The following SCLT1 variants were observed in gnomAD, a reference collection of about 807,000 sequenced individuals.
The protein encoded by SCLT1 is sodium channel-associated protein 1.
Under a neutral mutation model 112.8 loss-of-function variants are expected in SCLT1, and 78 were observed. The ratio of observed to expected loss-of-function variants is 0.69; its 90% CI spans 0.58 to 0.83. SCLT1 has a LOEUF of 0.83. Among genes scored for constraint, SCLT1 ranks in the 40% least tolerant of loss-of-function variants. SCLT1 has a pLI of 0.00. For synonymous variants in SCLT1, 257 were observed against 254.7 expected (o/e 1.01, Z -0.09); for missense variants, 747 against 770.4 (o/e 0.97, Z 0.36).
chr4:128,954,689 T>C (rs1739075791), intron 13 of SCLT1, among the ~76,000 whole-genome samples: 1 of 152,242 alleles, frequency 6.6e-6, no homozygotes, highest in Admixed American at 6.5e-5. Context: ...ATTCTGTTTA[T>C]GAAATCAGTA....
rs201716164 is a variant in SCLT1, at chr4:128,917,188, TCTC to T, written c.1829+19464_1829+19466del. Among the ~76,000 whole-genome samples the T allele has an allele frequency of 5.8e-3, 884 of 152,174 alleles. 7 individuals are homozygous for T. Among genetic ancestry groups the T allele is most frequent in the African/African-American group, 0.02 (847 of 41,520 alleles). ...CTACCTCGTGACTGACCCCAGTGCT[TCTC>T]GAGTGGTCCTGTGTGGTGTGCTGTG... On this transcript the variant is annotated intron_variant, in intron 18 of 20. Transcript: ENST00000281142.
chr4:128,965,023 T>C (rs1381751958), intron 11 of SCLT1, among the ~76,000 whole-genome samples: 1 of 152,210 alleles, frequency 6.6e-6, no homozygotes, highest in African/African-American at 2.4e-5. Flanking sequence ...ACAAATTATC[T>C]TTGAATATAT....
intron 5 of SCLT1, among the ~76,000 whole-genome samples, chr4:129,008,521 A>C (rs917485790): frequency 3.9e-5 from 6 of 152,150 alleles, no homozygotes; most frequent in Admixed American, 1.3e-4. Flanking sequence ...ATCTTTTGCT[A>C]CTTTTGAAAT....
chr4:128,920,961 C>G (rs1735836696), intron 18 of SCLT1, among the ~76,000 whole-genome samples: 2 of 152,296 alleles, frequency 1.3e-5, no homozygotes, highest in African/African-American at 4.8e-5. Flanking sequence ...TCAGCAGTTT[C>G]AGGATACAAA....
intron 4 of SCLT1, among the ~76,000 whole-genome samples, chr4:128,875,880 C>T (rs532199413): frequency 3.8e-4 from 58 of 152,078 alleles, no homozygotes; most frequent in Non-Finnish European, 5.9e-4. Flanking sequence ...TCATTAAATG[C>T]TTTCTTTTGA....
chr4:128,952,868 T>G (rs1433257883), intron 13 of SCLT1, 28 bp from the exon 14 acceptor site: 1 of 1,105,614 alleles, frequency 9.0e-7, no homozygotes, highest in South Asian at 1.3e-5. Flanking sequence ...TACTCATTAT[T>G]TGGTTCTAGA....
rs747165738 is a variant in SCLT1 at position 128,997,915 on chromosome 4, G to A, written c.574C>T (p.Leu192=). The A allele has an allele frequency of 9.3e-6, 14 of 1,512,904 alleles. No homozygotes were observed. In the South Asian group the frequency reaches 1.8e-4, roughly 19 times the overall value. 93.7% of individuals were successfully genotyped at this position (1,512,904 alleles called of 1,614,324 possible). The change falls in exon 8 of 21, where the codon CTG becomes TTG. Residue 192 remains leucine (L), a synonymous_variant. Coordinates refer to ENST00000281142, the MANE Select transcript of SCLT1 (RefSeq NM_144643.4). ...QKDQLFDFQQ[L]TKQLHVTNEN... ...TTAGTAACATGAAGTTGTTTGGTCAGTTGTTGAAAATCAAATAGCTGATCC... is the reference window on the plus strand; with the variant it reads ...TTAGTAACATGAAGTTGTTTGGTCAATTGTTGAAAATCAAATAGCTGATCC...
In SCLT1 at chr4:129,043,451, C is replaced by G; in HGVS notation, c.178G>C (p.Val60Leu). ...CCTAGGTGTTTATCATACTCAGTAA[C>G]AAGAGGAGCTAAAAAGCTAAAAAAA... is the stretch of plus-strand genomic sequence containing the variant. Reference protein sequence around the residue: ...VFDQSFLAPLVTEYDKHLGEL... With the variant: ...VFDQSFLAPLLTEYDKHLGEL... The change falls in exon 4 of 21, where the codon GTT becomes CTT. Residue 60 changes from valine to leucine, a missense_variant. By Grantham distance (32) the Val-to-Leu change is conservative. Coordinates refer to ENST00000281142, the MANE Select transcript of SCLT1 (RefSeq NM_144643.4). 6.6e-7 allele frequency: 1 copy of G among 1,525,328 alleles called. No homozygotes were observed. The highest frequency in any genetic ancestry group is 9.0e-7 in the Non-Finnish European group (1 of 1,111,346). The allele number at this position is 1,525,328 out of a possible 1,614,324, so 94.5% of individuals were successfully genotyped here.
chr4:128,989,208 A>T (rs757216276), intron 9 of SCLT1, among the ~76,000 whole-genome samples: 1 of 151,930 alleles, frequency 6.6e-6, no homozygotes, highest in Non-Finnish European at 1.5e-5. Context: ...AACAGTCTCA[A>T]GGACAGAACA....
At chr4:128,944,394 C>A (rs532740162) in intron 16 of SCLT1, among the ~76,000 whole-genome samples, 2 of 151,876 alleles carry the variant, frequency 1.3e-5, no homozygotes, top group African/African-American at 2.4e-5. Flanking sequence ...ACAACAACAA[C>A]AAAAAAAGAA....
chr4:129,003,714 T>C, intron 6 of SCLT1, 27 bp downstream of exon 6: 2 of 1,553,238 alleles, frequency 1.3e-6, no homozygotes, highest in Non-Finnish European at 1.7e-6. Flanking sequence ...ATTCAGAATA[T>C]AATTTTTAAA....
chr4:129,020,507 C>T (rs192475592), intron 5 of SCLT1, among the ~76,000 whole-genome samples: 15 of 152,282 alleles, frequency 9.9e-5, no homozygotes, highest in Admixed American at 3.9e-4. Flanking sequence ...ATTAGCTAAA[C>T]CAACAAGACT....
chr4:128,959,090 T>C (rs755511947), intron 12 of SCLT1, among the ~76,000 whole-genome samples: 1 of 152,186 alleles, frequency 6.6e-6, no homozygotes, highest in African/African-American at 2.4e-5. Context: ...GGAAGCAGTA[T>C]ATGACAAGGA....
At chr4:129,081,196 T>A (rs1751905072) in intron 2 of SCLT1, among the ~76,000 whole-genome samples, 1 of 152,212 alleles carries the variant, frequency 6.6e-6, no homozygotes, top group African/African-American at 2.4e-5. Flanking sequence ...ACTGCTATAC[T>A]TCTTATTGAA....
chr4:129,055,732 G>T (rs962433607), intron 2 of SCLT1, among the ~76,000 whole-genome samples: 2 of 152,004 alleles, frequency 1.3e-5, no homozygotes, highest in African/African-American at 4.8e-5. Context: ...GACTCACTGA[G>T]CAAGACCACT....
At chr4:129,071,103 G>T (rs987414493) in intron 2 of SCLT1, among the ~76,000 whole-genome samples, 2 of 152,112 alleles carry the variant, frequency 1.3e-5, no homozygotes, top group South Asian at 4.1e-4. Context: ...TCTTTTTGGA[G>T]TCAATTTCCA....
intron 2 of SCLT1, among the ~76,000 whole-genome samples, chr4:129,044,827 CAAA>C (rs61042798): frequency 1.8e-4 from 14 of 77,266 alleles, no homozygotes; most frequent in Admixed American, 8.4e-4. Context: ...ATAATCTCAC[CAAA>C]AAAAAAAAAA....
intron 4 of SCLT1, chr4:129,039,575 T>G (rs1391725573): frequency 6.4e-6 from 1 of 156,588 alleles, no homozygotes; most frequent in East Asian, 1.9e-4. Context: ...ATTCATTCAG[T>G]TTCTGATTCA....
intron 18 of SCLT1, among the ~76,000 whole-genome samples, chr4:128,905,011 T>C (rs538905652): frequency 1.3e-5 from 2 of 152,294 alleles, no homozygotes; most frequent in East Asian, 1.9e-4. Flanking sequence ...TGACTGTAAA[T>C]ATAACATTAC....
Sources: gnomAD v4.1 joint callset for allele counts (sites outside exome capture counted in the v4.1 genomes callset) on GRCh38, gnomAD v4.1.1 for gene constraint, MANE v1.5 for transcripts, NCBI Gene and HGNC (gene_info 2026-07-23, HGNC 2026-07-21) for gene names.